Variants in RAP1GAP2 observed in about 807,000 individuals in gnomAD.
RAP1GAP2 encodes rap1 GTPase-activating protein 2.
In RAP1GAP2, 27 loss-of-function variants were observed where a neutral mutation model predicts 95.0. The observed-to-expected ratio is 0.28, with a 90% CI of 0.21 to 0.39. RAP1GAP2 has a LOEUF of 0.39. Among genes scored for constraint, RAP1GAP2 ranks in the 10% least tolerant of loss-of-function variants. RAP1GAP2 has a pLI of 1.00. For synonymous variants in RAP1GAP2, 373 were observed against 380.9 expected (o/e 0.98, Z 0.24); for missense variants, 771 against 970.0 (o/e 0.79, Z 2.72).
chr17:2,901,263 C>G (rs1266857888), intron 2 of RAP1GAP2, among the ~76,000 whole-genome samples: 1 of 152,214 alleles, frequency 6.6e-6, no homozygotes, highest in African/African-American at 2.4e-5. Context: ...AGGACTCCCC[C>G]AGGTGGCAGA....
At chr17:2,800,596 T>C (rs1393713681) in intron 2 of RAP1GAP2, 46 bp downstream of exon 2, 1 of 1,593,904 alleles carries the variant, frequency 6.3e-7, no homozygotes, top group Non-Finnish European at 8.6e-7. Context: ...ATGACGCGGA[T>C]CAGAGCGCCG....
At chr17:2,794,208 T>A (rs2069006225), upstream of RAP1GAP2, among the ~76,000 whole-genome samples, 1 of 152,186 alleles carries the variant, frequency 6.6e-6, no homozygotes. Context: ...CCCCAGGCTT[T>A]CATCTCATGC....
chr17:2,861,239 C>T (rs2072374599), intron 2 of RAP1GAP2, among the ~76,000 whole-genome samples: 2 of 151,946 alleles, frequency 1.3e-5, no homozygotes, highest in African/African-American at 4.8e-5. Context: ...TGTATTTCCT[C>T]CATGGTACTC....
chr17:2,854,452 G>A (rs2072041661), intron 2 of RAP1GAP2, among the ~76,000 whole-genome samples: 2 of 152,230 alleles, frequency 1.3e-5, no homozygotes, highest in South Asian at 4.1e-4. Flanking sequence ...GGCTCCATGC[G>A]CCGGTGTTGC....
At chr17:2,761,289 C>CTT (rs1002992848) in intron 1 of RAP1GAP2, among the ~76,000 whole-genome samples, 10 of 106,336 alleles carry the variant, frequency 9.4e-5, no homozygotes, top group African/African-American at 1.1e-4. Flanking sequence ...GGTCTTTTTT[C>CTT]TTTTTTTTTT....
chr17:2,810,976 C>T (rs1015075053), intron 2 of RAP1GAP2, among the ~76,000 whole-genome samples: 4 of 152,164 alleles, frequency 2.6e-5, no homozygotes, highest in South Asian at 4.1e-4. Flanking sequence ...CGAAGCTGAC[C>T]GCTGTTTTCA....
chr17:2,936,075 C>A (rs1159847959), intron 3 of RAP1GAP2, among the ~76,000 whole-genome samples: 2 of 151,688 alleles, frequency 1.3e-5, no homozygotes, highest in East Asian at 3.9e-4. Flanking sequence ...CTGTCTCCAC[C>A]TCCAGTGGCC....
intron 14 of RAP1GAP2, among the ~76,000 whole-genome samples, chr17:3,001,477 C>T (rs1200276923): frequency 2.4e-5 from 2 of 84,756 alleles, no homozygotes; most frequent in African/African-American, 5.3e-5. Flanking sequence ...TGAAGTGAGG[C>T]TCGTGGAGGT....
At chr17:2,832,078 C>A (rs1322006445) in intron 2 of RAP1GAP2, among the ~76,000 whole-genome samples, 1 of 151,328 alleles carries the variant, frequency 6.6e-6, no homozygotes, top group African/African-American at 2.4e-5. Flanking sequence ...GTGGTGGGTG[C>A]CTGTAATCCC....
At chr17:2,964,505 G>T in intron 7 of RAP1GAP2, 1 of 186,874 alleles carries the variant, frequency 5.4e-6, no homozygotes. Flanking sequence ...CTCTGTCCTG[G>T]GATAGGGGAC....
intron 13 of RAP1GAP2, 49 bp from the exon 14 acceptor site, chr17:2,998,168 ATCTT>A (rs1261745531): frequency 1.9e-6 from 3 of 1,570,566 alleles, no homozygotes; most frequent in Non-Finnish European, 2.6e-6. Flanking sequence ...TCCCCAAAAC[ATCTT>A]TCATGATTTT....
intron 3 of RAP1GAP2, among the ~76,000 whole-genome samples, chr17:2,938,153 A>G (rs138792241): frequency 4.6e-5 from 7 of 152,284 alleles, no homozygotes; most frequent in South Asian, 2.1e-4. Flanking sequence ...CACGTACGTC[A>G]TGTCCTATTC....
chr17:2,978,768 T>C (rs1243816115), intron 8 of RAP1GAP2, among the ~76,000 whole-genome samples: 1 of 151,880 alleles, frequency 6.6e-6, no homozygotes, highest in East Asian at 1.9e-4. Context: ...ACCCTGTCTC[T>C]ACTAAAAATA....
chr17:2,943,452 C>T (rs1036827845), intron 3 of RAP1GAP2, among the ~76,000 whole-genome samples: 1 of 152,062 alleles, frequency 6.6e-6, no homozygotes, highest in Non-Finnish European at 1.5e-5. Flanking sequence ...GCAGGCAGAT[C>T]ATCTGAGGTC....
intron 14 of RAP1GAP2, among the ~76,000 whole-genome samples, chr17:2,999,121 C>T (rs535311857): frequency 5.3e-4 from 80 of 152,238 alleles, no homozygotes; most frequent in Non-Finnish European, 7.1e-4. Context: ...TCAGATGGCT[C>T]GAAATCCTCA....
At chr17:2,925,963 A>G (rs1309552787) in intron 3 of RAP1GAP2, among the ~76,000 whole-genome samples, 1 of 151,990 alleles carries the variant, frequency 6.6e-6, no homozygotes, top group Non-Finnish European at 1.5e-5. Context: ...ACATGGCGAA[A>G]GCCCTGTCTC....
At chr17:2,937,498 C>A (rs2043341049) in intron 3 of RAP1GAP2, among the ~76,000 whole-genome samples, 1 of 152,122 alleles carries the variant, frequency 6.6e-6, no homozygotes. Flanking sequence ...CTGAATGATT[C>A]ACTGGCTCTG....
At chr17:2,878,831 C>T (rs769513333) in intron 2 of RAP1GAP2, among the ~76,000 whole-genome samples, 3 of 152,236 alleles carry the variant, frequency 2.0e-5, no homozygotes, top group Non-Finnish European at 2.9e-5. Flanking sequence ...CCCACTTAGC[C>T]ACTTGGTAGC....
intron 1 of RAP1GAP2, among the ~76,000 whole-genome samples, chr17:2,760,286 C>A (rs1366818806): frequency 2.1e-5 from 2 of 97,198 alleles, no homozygotes; most frequent in East Asian, 3.3e-4. Context: ...GAGCGAGACT[C>A]TGTCTCAAAA....
Sources: allele counts gnomAD v4.1 joint callset (sites outside exome capture counted in the v4.1 genomes callset), GRCh38; gene constraint gnomAD v4.1.1; transcripts MANE v1.5; gene names NCBI Gene and HGNC (gene_info 2026-07-23, HGNC 2026-07-21).